CFTR: variants seen among roughly 807,000 people sequenced by gnomAD.
CFTR encodes the protein cystic fibrosis transmembrane conductance regulator.
CFTR carries 181 observed loss-of-function variants against 171.6 expected under a neutral mutation model. That is an observed-to-expected ratio of 1.05 (90% confidence interval 0.93 to 1.19). The LOEUF (loss-of-function observed/expected upper bound fraction) is 1.19. Among genes scored for constraint, CFTR ranks in the 50% most tolerant of loss-of-function variants. The pLI, the probability that CFTR is intolerant of heterozygous loss-of-function variation, is 0.00. For synonymous variants in CFTR, 583 were observed against 608.0 expected, an observed-to-expected ratio of 0.96 and a Z score of 0.60; for missense variants, 1,968 against 1,734.7, an observed-to-expected ratio of 1.13 and a Z score of -2.39.
intron 23 of CFTR, among the ~76,000 whole-genome samples, chr7:117,651,605 C>A (rs1019016402): frequency 3.3e-5 from 5 of 152,202 alleles, no homozygotes; most frequent in Admixed American, 1.3e-4. Flanking sequence ...AATGTAGGTA[C>A]CTTTCAGGAA....
chr7:117,642,728 C>A, intron 23 of CFTR, 135 bp downstream of exon 23: 1 of 922,860 alleles, frequency 1.1e-6, no homozygotes, highest in Non-Finnish European at 1.7e-6. Flanking sequence ...TTCTCCAGTG[C>A]AGTTTTCTCA....
intron 11 of CFTR, among the ~76,000 whole-genome samples, chr7:117,579,500 A>G (rs2115995695): frequency 6.6e-6 from 1 of 152,026 alleles, no homozygotes; most frequent in East Asian, 1.9e-4. Context: ...TCTTATAGAT[A>G]TGCTTAAAAC....
intron 3 of CFTR, among the ~76,000 whole-genome samples, chr7:117,528,230 T>C (rs1194227457): frequency 1.2e-5 from 1 of 80,406 alleles, no homozygotes; most frequent in African/African-American, 4.5e-5. Context: ...AACTATCTGA[T>C]CTTTGACAAA....
chr7:117,596,909 G>C (rs1386225356), intron 15 of CFTR, among the ~76,000 whole-genome samples: 1 of 151,982 alleles, frequency 6.6e-6, no homozygotes, highest in East Asian at 1.9e-4. Flanking sequence ...CTAGTGAGGA[G>C]GTGGAGAACT....
intron 22 of CFTR, among the ~76,000 whole-genome samples, chr7:117,629,866 A>G (rs1256290002): frequency 6.6e-6 from 1 of 152,222 alleles, no homozygotes; most frequent in Non-Finnish European, 1.5e-5. Flanking sequence ...ATTTGATCTT[A>G]TTATAACTCT....
intron 20 of CFTR, among the ~76,000 whole-genome samples, chr7:117,612,043 A>ATATG (rs1554392433): frequency 6.9e-5 from 5 of 72,258 alleles, no homozygotes; most frequent in Non-Finnish European, 1.1e-4. Flanking sequence ...ATATATATAT[A>ATATG]TATATATATA....
At chr7:117,512,506 C>T (rs1047482650) in intron 3 of CFTR, among the ~76,000 whole-genome samples, 5 of 151,852 alleles carry the variant, frequency 3.3e-5, no homozygotes, top group African/African-American at 1.2e-4. Flanking sequence ...TGGTGGCGGG[C>T]ACCTGTGGTC....
chr7:117,633,655 T>G (rs889503556), intron 22 of CFTR, among the ~76,000 whole-genome samples: 4 of 151,894 alleles, frequency 2.6e-5, no homozygotes, highest in Admixed American at 2.0e-4. Flanking sequence ...TTTTTTTTTT[T>G]AAGTTGAAGA....
intron 22 of CFTR, among the ~76,000 whole-genome samples, chr7:117,639,448 A>C (rs1463383854): frequency 6.6e-6 from 1 of 152,102 alleles, no homozygotes; most frequent in South Asian, 2.1e-4. Flanking sequence ...CTGGGAACTT[A>C]ATTTGGAGTC....
At chr7:117,558,511 G>A (rs202234446) in intron 10 of CFTR, among the ~76,000 whole-genome samples, 5 of 151,580 alleles carry the variant, frequency 3.3e-5, no homozygotes, top group African/African-American at 4.9e-5. Context: ...CCGAGATCGC[G>A]CCACTGCACT....
chr7:117,539,967 A>G (rs907131618), intron 7 of CFTR, 133 bp from the exon 8 acceptor site: 13 of 716,578 alleles, frequency 1.8e-5, no homozygotes, highest in African/African-American at 5.3e-5. Context: ...CACACAGGTC[A>G]TATGATGTGG....
intron 24 of CFTR, among the ~76,000 whole-genome samples, chr7:117,655,180 G>A (rs1793149592): frequency 6.6e-6 from 1 of 152,108 alleles, no homozygotes; most frequent in African/African-American, 2.4e-5. Context: ...TTGAAGTTCT[G>A]CTTCCCTTTT....
rs571265739 is a variant in CFTR at position 117,583,320 on chromosome 7, C to T, written c.1585-4419C>T. Among the ~76,000 whole-genome samples the T allele has an allele frequency of 3.3e-5, 5 of 152,018 alleles. No homozygotes were observed. In the East Asian group the frequency reaches 7.8e-4, roughly 24 times the overall value. On this transcript the variant is annotated intron_variant, in intron 11 of 26. Transcript: ENST00000003084. Reference sequence around the variant, plus strand: ...CCCAATATGTAGTCTTTTATCCCCCCCCCGCTCCACCCTTCCTTTATCGTC... The same window carrying T: ...CCCAATATGTAGTCTTTTATCCCCCTCCCGCTCCACCCTTCCTTTATCGTC...
chr7:117,616,240 T>TC (rs1238447499), intron 21 of CFTR: 3 of 150,550 alleles, frequency 2.0e-5, no homozygotes, highest in Non-Finnish European at 4.5e-5. Flanking sequence ...TTTAACTTTT[T>TC]TTTTTAGTTT....
In CFTR at chr7:117,627,550, T is replaced by G. The variant is rs397508577; in HGVS notation, c.3497T>G (p.Phe1166Cys). 6.2e-7 allele frequency: 1 copy of G among 1,613,340 alleles called. No homozygotes were observed. The highest frequency in any genetic ancestry group is 8.5e-7 in the Non-Finnish European group (1 of 1,179,480). ...CGATCTGTGAGCCGAGTCTTTAAGT[T>G]CATTGACATGCCAACAGAAGGTAAA... ...LMRSVSRVFK[F>C]IDMPTEGKPT... The change falls in exon 22 of 27, where the codon TTC becomes TGC. Residue 1166 changes from phenylalanine (F) to cysteine (C), a missense_variant. Physicochemically the swap from Phe to Cys is radical, Grantham distance 205 (BLOSUM62 -2). Transcript: ENST00000003084.
At chr7:117,510,886 G>A (rs181580129) in intron 3 of CFTR, among the ~76,000 whole-genome samples, 2 of 151,878 alleles carry the variant, frequency 1.3e-5, no homozygotes, top group Non-Finnish European at 2.9e-5. Flanking sequence ...TAACTCCATG[G>A]AGCAAAAATT....
At chr7:117,563,178 C>A (rs997016678) in intron 11 of CFTR, among the ~76,000 whole-genome samples, 1 of 152,106 alleles carries the variant, frequency 6.6e-6, no homozygotes, top group Non-Finnish European at 1.5e-5. Flanking sequence ...GTTACTTAAC[C>A]TTGCTATGTC....
At chr7:117,506,972 A>G (rs1163561291) in intron 2 of CFTR, among the ~76,000 whole-genome samples, 1 of 152,212 alleles carries the variant, frequency 6.6e-6, no homozygotes, top group Non-Finnish European at 1.5e-5. Flanking sequence ...CCTTGTGACC[A>G]TGGCCCTCAA....
chr7:117,631,122 G>A, intron 22 of CFTR, among the ~76,000 whole-genome samples: 1 of 152,090 alleles, frequency 6.6e-6, no homozygotes, highest in East Asian at 1.9e-4. Context: ...ACAGGCATGA[G>A]GCACTGTGCC....
Sources: allele counts gnomAD v4.1 joint callset (sites outside exome capture counted in the v4.1 genomes callset), GRCh38; gene constraint gnomAD v4.1.1; transcripts MANE v1.5; gene names NCBI Gene and HGNC (gene_info 2026-07-23, HGNC 2026-07-21).